DLC1: variants seen among roughly 807,000 people sequenced by gnomAD.
DLC1 encodes DLC1 Rho GTPase activating protein, also known as rho GTPase-activating protein 7.
Under a neutral mutation model 140.3 loss-of-function variants are expected in DLC1, and 54 were observed. That is an observed-to-expected ratio of 0.38 (90% CI 0.31 to 0.48). The LOEUF is 0.48. Among genes scored for constraint, DLC1 ranks in the 20% least tolerant of loss-of-function variants. The pLI is 0.96. For synonymous variants in DLC1, 986 were observed against 728.1 expected, an observed-to-expected ratio of 1.35 and a Z score of -5.70; for missense variants, 2,536 against 1,907.0, an observed-to-expected ratio of 1.33 and a Z score of -6.14.
At chr8:13,502,438 G>C (rs1208667522) in intron 1 of DLC1, among the ~76,000 whole-genome samples, 1 of 151,838 alleles carries the variant, frequency 6.6e-6, no homozygotes, top group Non-Finnish European at 1.5e-5. Context: ...ATGTCATGTG[G>C]TCTGATAGTT....
chr8:13,336,298 T>A (rs1239987656), intron 4 of DLC1, among the ~76,000 whole-genome samples: 1 of 152,162 alleles, frequency 6.6e-6, no homozygotes, highest in Non-Finnish European at 1.5e-5. Flanking sequence ...TGTGGTTGAT[T>A]ATTGAAATCA....
At chr8:13,576,026 C>T (rs924537460) in intron 1 of DLC1, among the ~76,000 whole-genome samples, 3 of 152,160 alleles carry the variant, frequency 2.0e-5, no homozygotes, top group Admixed American at 2.0e-4. Flanking sequence ...TGGCAATGGC[C>T]TGTAAAAGTG....
intron 1 of DLC1, among the ~76,000 whole-genome samples, chr8:13,553,276 T>C (rs1337722353): frequency 7.0e-6 from 1 of 142,348 alleles, no homozygotes; most frequent in Non-Finnish European, 1.5e-5. Flanking sequence ...CTTACTGTTT[T>C]AGATGAACTT....
chr8:13,555,258 T>G (rs6530643), intron 1 of DLC1, among the ~76,000 whole-genome samples: 2 of 152,022 alleles, frequency 1.3e-5, no homozygotes, highest in Non-Finnish European at 2.9e-5. Context: ...GTGTAAATTA[T>G]TTACTCACTG....
intron 5 of DLC1, among the ~76,000 whole-genome samples, chr8:13,246,925 T>G (rs1363310130): frequency 6.6e-6 from 1 of 152,072 alleles, no homozygotes; most frequent in Non-Finnish European, 1.5e-5. Flanking sequence ...GTCAGTAGAG[T>G]GCCCCACCTA....
Position 13,086,322 on chromosome 8 carries a change from G to C in DLC1, c.4434C>G (p.Ser1478=). The change falls in exon 17 of 18, where the codon TCC becomes TCG. Residue 1478 remains serine (S), a synonymous_variant. Transcript: ENST00000276297. The part of the protein sequence containing the change: ...YLIEPCGPGK[S]KLTYMCRVDL... ...CAACTCTGCACATGTAGGTGAGTTTGGATTTTCCTGGCCCACAGGGTTCAA... is the reference window on the plus strand; with the variant it reads ...CAACTCTGCACATGTAGGTGAGTTTCGATTTTCCTGGCCCACAGGGTTCAA... 3 of 1,614,228 alleles carry C rather than the reference G, an allele frequency of 1.9e-6. No homozygotes were observed. Among genetic ancestry groups the C allele is most frequent in the Non-Finnish European group, 2.5e-6 (3 of 1,180,042 alleles).
upstream of DLC1, chr8:13,515,785 T>G (rs903575404): frequency 9.2e-5 from 14 of 152,234 alleles, no homozygotes; most frequent in Non-Finnish European, 1.8e-4. Context: ...ATTTAGGGAA[T>G]AAGCTAATGG....
intron 4 of DLC1, among the ~76,000 whole-genome samples, chr8:13,336,411 C>T (rs1014202160): frequency 3.3e-5 from 5 of 152,062 alleles, no homozygotes; most frequent in African/African-American, 1.2e-4. Flanking sequence ...AGTCACAATT[C>T]CAGGAGAAAG....
intron 4 of DLC1, among the ~76,000 whole-genome samples, chr8:13,374,417 A>T (rs888268649): frequency 1.3e-5 from 2 of 152,176 alleles, no homozygotes; most frequent in Non-Finnish European, 2.9e-5. Context: ...CTATTTTATA[A>T]TATGGTGGAA....
chr8:13,266,013 G>A (rs1389873912), intron 5 of DLC1, among the ~76,000 whole-genome samples: 1 of 152,096 alleles, frequency 6.6e-6, no homozygotes, highest in Non-Finnish European at 1.5e-5. Context: ...GAGCCAAAGA[G>A]CTTTGCTGGA....
intron 4 of DLC1, among the ~76,000 whole-genome samples, chr8:13,333,150 A>G (rs1329596902): frequency 2.0e-5 from 3 of 152,216 alleles, no homozygotes; most frequent in Non-Finnish European, 4.4e-5. Flanking sequence ...GCATGAATAC[A>G]TTTTTGTAAA....
intron 2 of DLC1, among the ~76,000 whole-genome samples, chr8:13,452,297 G>A (rs1799102365): frequency 6.6e-6 from 1 of 151,762 alleles, no homozygotes; most frequent in Admixed American, 6.6e-5. Context: ...ATCTATACTT[G>A]CCTATAGCTC....
At chr8:13,453,666 C>T (rs1336723200) in intron 2 of DLC1, among the ~76,000 whole-genome samples, 1 of 145,522 alleles carries the variant, frequency 6.9e-6, no homozygotes, top group Non-Finnish European at 1.5e-5. Flanking sequence ...TCATGACTAT[C>T]CTCAAAAGAA....
chr8:13,492,755 G>C (rs1801319130), intron 2 of DLC1, among the ~76,000 whole-genome samples: 1 of 152,144 alleles, frequency 6.6e-6, no homozygotes, highest in African/African-American at 2.4e-5. Context: ...GCTATACCTA[G>C]CGTTTTCATT....
chr8:13,106,902 TAGAA>T (rs1485302605), intron 7 of DLC1, among the ~76,000 whole-genome samples: 2 of 152,198 alleles, frequency 1.3e-5, no homozygotes, highest in Admixed American at 6.5e-5. Context: ...AGGCAAGCAA[TAGAA>T]AGAACATTTC....
chr8:13,245,882 A>G (rs1338309647), intron 5 of DLC1, among the ~76,000 whole-genome samples: 2 of 151,870 alleles, frequency 1.3e-5, no homozygotes, highest in African/African-American at 4.8e-5. Context: ...TTGTATTTTT[A>G]GTAGAGATGC....
chr8:13,566,808 TG>T, intron 1 of DLC1: 1 of 734,340 alleles, frequency 1.4e-6, no homozygotes, highest in Non-Finnish European at 2.1e-6. Flanking sequence ...CGCCGCATGG[TG>T]GCCAGTCACT....
At chr8:13,502,727 C>T (rs28700015) in intron 1 of DLC1, among the ~76,000 whole-genome samples, 1 of 150,854 alleles carries the variant, frequency 6.6e-6, no homozygotes, top group African/African-American at 2.5e-5. Flanking sequence ...AATTACATTT[C>T]AAAAAACTGA....
chr8:13,518,834 T>G (rs1802675802), upstream of DLC1, among the ~76,000 whole-genome samples: 1 of 152,208 alleles, frequency 6.6e-6, no homozygotes, highest in Admixed American at 6.5e-5. Context: ...ATGAAAATTA[T>G]TCGTCTAAAA....
Sources: gnomAD v4.1 joint callset for allele counts (sites outside exome capture counted in the v4.1 genomes callset) on GRCh38, gnomAD v4.1.1 for gene constraint, MANE v1.5 for transcripts, NCBI Gene and HGNC (gene_info 2026-07-23, HGNC 2026-07-21) for gene names.